Variants in TPP2 observed in about 807,000 individuals in gnomAD.
TPP2 encodes tripeptidyl peptidase 2, also known as tripeptidyl-peptidase 2.
TPP2 carries 34 observed loss-of-function variants against 155.9 expected under a neutral mutation model. That is an observed-to-expected ratio of 0.22 (90% CI 0.17 to 0.29). The LOEUF (loss-of-function observed/expected upper bound fraction) is 0.29, where lower values mean the gene tolerates loss of function less well. TPP2 is among the 10% of genes least tolerant of loss of function. The pLI, the probability that TPP2 is intolerant of heterozygous loss-of-function variation, is 1.00. For missense variants in TPP2, 1,028 were observed against 1,522.3 expected (o/e 0.68, Z 5.40); for synonymous variants, 510 against 529.4 (o/e 0.96, Z 0.50).
At chr13:102,671,980 C>T (rs1049999027) in intron 27 of TPP2, among the ~76,000 whole-genome samples, 3 of 152,176 alleles carry the variant, frequency 2.0e-5, no homozygotes, top group Non-Finnish European at 2.9e-5. Context: ...ACAATTCCCT[C>T]GAACTTGGAA....
Position 102,663,761 on chromosome 13 carries a change from CTGATA to C in TPP2, c.3240+19_3240+23del. The C allele has an allele frequency of 1.3e-6, 2 of 1,552,692 alleles. No homozygotes were observed. The highest frequency in any genetic ancestry group is 1.7e-6 in the Non-Finnish European group (2 of 1,147,454). On this transcript the variant is annotated intron_variant, in intron 26 of 29. Transcript: ENST00000376052. ...GCTGAAAAGGTTAGACATGTTCATT[CTGATA>C]TATCTTATTTTGTTTGTAATTATAT...
In TPP2 at chr13:102,678,547, A is replaced by T. The variant is rs1885433700; in HGVS notation, c.*231A>T. The T allele has an allele frequency of 2.4e-6, 1 of 415,420 alleles. No homozygotes were observed. The allele number at this position is 415,420 out of a possible 1,614,324, so 25.7% of individuals were successfully genotyped here. A position where few individuals can be genotyped will look rare whatever the true frequency, so the allele number is the denominator to read the frequency against. ...AATGCCTCACATTGCTGGCACGGGG[A>T]TGTGCCCTGCCTGCCAGCACCTAGG... On this transcript the variant is annotated 3_prime_UTR_variant, in exon 30 of 30. Coordinates refer to ENST00000376052, the MANE Select transcript of TPP2 (RefSeq NM_001330588.2).
chr13:102,602,189 A>G (rs1879480119), intron 1 of TPP2, among the ~76,000 whole-genome samples: 2 of 152,194 alleles, frequency 1.3e-5, no homozygotes, highest in Admixed American at 6.5e-5. Context: ...TGATTAGTAC[A>G]TGACCTAGCT....
chr13:102,666,873 T>C (rs192165495), intron 27 of TPP2, among the ~76,000 whole-genome samples: 1 of 141,062 alleles, frequency 7.1e-6, no homozygotes, highest in African/African-American at 2.6e-5. Context: ...AAAGAAGCCA[T>C]AAAACTTTGT....
chr13:102,649,173 A>T, intron 22 of TPP2, 22 bp downstream of exon 22: 2 of 1,583,558 alleles, frequency 1.3e-6, no homozygotes, highest in Non-Finnish European at 1.7e-6. Context: ...CATTGCTTAT[A>T]CTTACTGCCC....
At chr13:102,657,441 C>T (rs1482740023) in intron 25 of TPP2, among the ~76,000 whole-genome samples, 1 of 151,504 alleles carries the variant, frequency 6.6e-6, no homozygotes, top group Non-Finnish European at 1.5e-5. Context: ...CTAATTTGTT[C>T]TTGGAAGATA....
rs1176313881 is a variant in TPP2 at position 102,629,549 on chromosome 13, A to C, written c.1084A>C (p.Asn362His). 1 of 1,546,890 alleles carries C rather than the reference A, an allele frequency of 6.5e-7. No individual in the cohort carries two copies. The highest frequency in any genetic ancestry group is 8.6e-7 in the Non-Finnish European group (1 of 1,156,186). Residue 362 changes from asparagine to histidine, a missense_variant, in exon 9 of 30, where the codon AAT (asparagine) becomes CAT (histidine). Physicochemically the swap from Asn to His is moderately conservative, Grantham distance 68 (BLOSUM62 1). This residue lies in a region of TPP2 where 63 missense variants were observed against 165.7 expected (regional missense o/e 0.38). Transcript: ENST00000376052. ...HNIIYVSSAG[N>H]NGPCLSTVGC... ...TATAATTTATGTTTCAAGTGCTGGA[A>C]ATAATGGTCCATGCCTGTCTACAGT...
At chr13:102,648,429 CGTGTGTGTGTGTGTGTGTGTGT>C (rs56934655) in intron 21 of TPP2, among the ~76,000 whole-genome samples, 2 of 147,968 alleles carry the variant, frequency 1.4e-5, no homozygotes, top group East Asian at 2.0e-4. Flanking sequence ...ATAAGTTACA[CGTGTGTGTGTGTGTGTGTGTGT>C]GTGTGTGTGT....
At chr13:102,665,398 T>C (rs1179282561) in intron 27 of TPP2, among the ~76,000 whole-genome samples, 1 of 152,216 alleles carries the variant, frequency 6.6e-6, no homozygotes, top group Non-Finnish European at 1.5e-5. Flanking sequence ...CTGGCAACTT[T>C]TATGAAACTG....
At chr13:102,640,064 A>C (rs773461778) in intron 15 of TPP2, among the ~76,000 whole-genome samples, 1 of 152,194 alleles carries the variant, frequency 6.6e-6, no homozygotes, top group Non-Finnish European at 1.5e-5. Flanking sequence ...CAAAAAGTAG[A>C]ATCATCTATA....
At chr13:102,648,629 A>G (rs1322406655) in intron 21 of TPP2, among the ~76,000 whole-genome samples, 1 of 152,056 alleles carries the variant, frequency 6.6e-6, no homozygotes, top group Non-Finnish European at 1.5e-5. Flanking sequence ...GTCGTTCTGG[A>G]AAGAATGAGG....
chr13:102,602,455 AG>A (rs546658131), intron 1 of TPP2, among the ~76,000 whole-genome samples: 3 of 152,128 alleles, frequency 2.0e-5, no homozygotes, highest in Admixed American at 6.5e-5. Context: ...GTTCCCAAGA[AG>A]TAAACATCCA....
Position 102,637,134 on chromosome 13 carries a change from A to G in TPP2, c.1731A>G (p.Ser577=), listed in dbSNP as rs770410168. The part of the protein sequence containing the change: ...LQLHLALTSN[S]SWVQCPSHLE... ...TTCATTTAGCTCTGACTTCAAATTCATCTTGGGTTCAGTGTCCCAGCCATT... is the reference window on the plus strand; with the variant it reads ...TTCATTTAGCTCTGACTTCAAATTCGTCTTGGGTTCAGTGTCCCAGCCATT... Residue 577 remains serine (S), a synonymous_variant, in exon 14 of 30, where the codon TCA becomes TCG. Transcript: ENST00000376052. 8.1e-6 allele frequency: 13 copies of G among 1,612,516 alleles called. No individual in the cohort carries two copies. The highest frequency in any genetic ancestry group is 4.0e-5 in the African/African-American group (3 of 74,870).
chr13:102,670,075 A>G (rs898507307), intron 27 of TPP2, among the ~76,000 whole-genome samples: 3 of 152,144 alleles, frequency 2.0e-5, no homozygotes, highest in Non-Finnish European at 4.4e-5. Context: ...TAAATCCAGA[A>G]CAAGTGAGGG....
intron 16 of TPP2, 57 bp from the exon 17 acceptor site, chr13:102,643,165 T>G: frequency 6.7e-7 from 1 of 1,487,822 alleles, no homozygotes; most frequent in Non-Finnish European, 8.9e-7. Flanking sequence ...AAAGCCACTT[T>G]ATGTCAATTT....
chr13:102,652,448 AT>A (rs1333770533), intron 24 of TPP2, among the ~76,000 whole-genome samples: 29 of 56,488 alleles, frequency 5.1e-4, no homozygotes, highest in Non-Finnish European at 7.4e-4. Flanking sequence ...ATATATATAT[AT>A]ATATAAAAGG....
intron 27 of TPP2, among the ~76,000 whole-genome samples, chr13:102,666,298 C>G (rs1369737415): frequency 6.6e-6 from 1 of 152,210 alleles, no homozygotes; most frequent in East Asian, 1.9e-4. Context: ...TTTCTTTTCT[C>G]TGTATATTCT....
intron 27 of TPP2, among the ~76,000 whole-genome samples, chr13:102,670,266 T>C (rs532277194): frequency 5.6e-4 from 86 of 152,272 alleles, no homozygotes; most frequent in African/African-American, 2.0e-3. Flanking sequence ...GCATGTTCTA[T>C]ATGGCCTTTG....
chr13:102,601,045 CAT>C (rs112260421), intron 1 of TPP2, among the ~76,000 whole-genome samples: 1 of 152,186 alleles, frequency 6.6e-6, no homozygotes, highest in African/African-American at 2.4e-5. Flanking sequence ...CATGTGCCAC[CAT>C]ACCCAGCTAA....
Sources: allele counts gnomAD v4.1 joint callset (sites outside exome capture counted in the v4.1 genomes callset), GRCh38; gene constraint gnomAD v4.1.1; regional missense constraint gnomAD v4.1.1; transcripts MANE v1.5; gene names NCBI Gene and HGNC (gene_info 2026-07-23, HGNC 2026-07-21).